Variants in TMEM117 observed in about 807,000 individuals in gnomAD.
TMEM117 encodes transmembrane protein 117.
In TMEM117, 27 loss-of-function variants were observed where a neutral mutation model predicts 52.4. The observed-to-expected ratio is 0.51, with a 90% confidence interval of 0.38 to 0.71. TMEM117 has a LOEUF of 0.71. Ranked by LOEUF, TMEM117 falls within the 30% of genes least tolerant of loss-of-function variation. The probability of loss-of-function intolerance (pLI) is 0.00; values close to 1 mark genes in which losing one functional copy is unlikely to be tolerated. For synonymous variants in TMEM117, 215 were observed against 206.3 expected, an observed-to-expected ratio of 1.04 and a Z score of -0.36; for missense variants, 556 against 630.5, an observed-to-expected ratio of 0.88 and a Z score of 1.26.
chr12:44,085,515 G>A (rs1232674528), intron 3 of TMEM117, among the ~76,000 whole-genome samples: 1 of 152,208 alleles, frequency 6.6e-6, no homozygotes, highest in African/African-American at 2.4e-5. Context: ...TAGGGAGCTT[G>A]ATCTGAGAAC....
chr12:44,246,452 G>A (rs568091659), intron 5 of TMEM117, among the ~76,000 whole-genome samples: 31 of 152,038 alleles, frequency 2.0e-4, no homozygotes, highest in African/African-American at 5.3e-4. Flanking sequence ...TGTATTTTTC[G>A]CTGCTTTTTT....
At chr12:43,917,171 T>C (rs1222384817) in intron 2 of TMEM117, among the ~76,000 whole-genome samples, 1 of 147,886 alleles carries the variant, frequency 6.8e-6, no homozygotes, top group Admixed American at 6.9e-5. Context: ...GGTGGGAAGA[T>C]TGCTTGAGGC....
intron 3 of TMEM117, among the ~76,000 whole-genome samples, chr12:44,116,221 G>C (rs1565834479): frequency 1.3e-5 from 2 of 151,956 alleles, no homozygotes; most frequent in African/African-American, 2.4e-5. Context: ...TGTATTCTTT[G>C]TTATATCGCT....
chr12:44,229,068 T>C (rs1949901120), intron 5 of TMEM117, among the ~76,000 whole-genome samples: 1 of 151,492 alleles, frequency 6.6e-6, no homozygotes, highest in Non-Finnish European at 1.5e-5. Context: ...ATAGGGAAAA[T>C]AGACATGAGG....
chr12:43,827,540 T>C, the TMEM117 span, among the ~76,000 whole-genome samples: 5 of 152,178 alleles, frequency 3.3e-5, no homozygotes, highest in Admixed American at 3.3e-4. Context: ...GTAAATAACA[T>C]TATTGGGGGG....
chr12:43,968,806 G>A (rs1489005345), intron 3 of TMEM117, among the ~76,000 whole-genome samples: 2 of 152,088 alleles, frequency 1.3e-5, no homozygotes, highest in African/African-American at 4.8e-5. Context: ...TGCTGTTTCA[G>A]TTATTTATGA....
At chr12:44,251,023 A>C (rs188098886) in intron 5 of TMEM117, among the ~76,000 whole-genome samples, 8 of 152,128 alleles carry the variant, frequency 5.3e-5, no homozygotes, top group Non-Finnish European at 7.4e-5. Flanking sequence ...AATAAAAATA[A>C]AGATTTTGAG....
intron 6 of TMEM117, among the ~76,000 whole-genome samples, chr12:44,307,807 G>C (rs948410908): frequency 6.6e-6 from 1 of 152,246 alleles, no homozygotes; most frequent in East Asian, 1.9e-4. Flanking sequence ...AAGTGCCAAG[G>C]AGGATGTCCT....
intron 3 of TMEM117, among the ~76,000 whole-genome samples, chr12:44,114,135 AC>A (rs1378509448): frequency 3.3e-5 from 5 of 150,810 alleles, no homozygotes; most frequent in African/African-American, 9.8e-5. Flanking sequence ...TGAACCCGGT[AC>A]CTCAGATGGA....
chr12:44,120,924 A>G (rs914181680), intron 3 of TMEM117, among the ~76,000 whole-genome samples: 1 of 152,210 alleles, frequency 6.6e-6, no homozygotes, highest in Non-Finnish European at 1.5e-5. Context: ...GTCCATTTTC[A>G]TGCTGCTGAT....
chr12:44,193,235 T>G (rs1429109237), intron 4 of TMEM117, among the ~76,000 whole-genome samples: 1 of 152,178 alleles, frequency 6.6e-6, no homozygotes, highest in Admixed American at 6.5e-5. Context: ...TTCCTAAGAA[T>G]ACAGTGGACA....
At chr12:44,030,215 G>A (rs1027261069) in intron 3 of TMEM117, among the ~76,000 whole-genome samples, 1 of 152,116 alleles carries the variant, frequency 6.6e-6, no homozygotes, top group South Asian at 2.1e-4. Context: ...TAAACATTTG[G>A]TCTAAGTTAT....
the TMEM117 span, chr12:43,797,725 GCTGT>G: frequency 1.2e-5 from 19 of 1,612,292 alleles, no homozygotes; most frequent in South Asian, 2.2e-5. Flanking sequence ...ACATAGTTGA[GCTGT>G]CTATTATTCA....
intron 3 of TMEM117, among the ~76,000 whole-genome samples, chr12:43,954,629 A>G (rs1286043055): frequency 1.3e-5 from 2 of 152,158 alleles, no homozygotes; most frequent in Admixed American, 6.5e-5. Flanking sequence ...GAGCAATAAT[A>G]AGTTCTGAAA....
intron 2 of TMEM117, among the ~76,000 whole-genome samples, chr12:43,867,289 A>G (rs1389278725): frequency 1.3e-5 from 2 of 152,218 alleles, no homozygotes; most frequent in African/African-American, 2.4e-5. Flanking sequence ...GTGATAAGTT[A>G]AAAAGGCATG....
At chr12:44,092,266 C>T (rs1947686156) in intron 3 of TMEM117, among the ~76,000 whole-genome samples, 1 of 152,200 alleles carries the variant, frequency 6.6e-6, no homozygotes, top group African/African-American at 2.4e-5. Flanking sequence ...CTTCTAGATT[C>T]TTCACATGTT....
chr12:43,795,845 C>A, the TMEM117 span: 31 of 1,299,680 alleles, frequency 2.4e-5, no homozygotes, highest in Non-Finnish European at 3.2e-5. Flanking sequence ...ACAAATAATA[C>A]CCTTTCCAGT....
downstream of TMEM117, among the ~76,000 whole-genome samples, chr12:44,390,327 C>G (rs1592737422): frequency 1.3e-5 from 2 of 151,914 alleles, no homozygotes. Context: ...CTAGCTATTA[C>G]TAAATTTTGG....
intron 3 of TMEM117, among the ~76,000 whole-genome samples, chr12:44,052,819 C>G (rs11182403): frequency 6.6e-6 from 1 of 152,136 alleles, no homozygotes; most frequent in African/African-American, 2.4e-5. Flanking sequence ...CAGTCTCTTC[C>G]GCTTTAGATT....
Sources: gnomAD v4.1 joint callset for allele counts (sites outside exome capture counted in the v4.1 genomes callset) on GRCh38, gnomAD v4.1.1 for gene constraint, MANE v1.5 for transcripts, NCBI Gene and HGNC (gene_info 2026-07-23, HGNC 2026-07-21) for gene names.